Variants in ACO1 observed in about 807,000 individuals in gnomAD.
The protein encoded by ACO1 is aconitase 1, also known as cytoplasmic aconitate hydratase.
Under a neutral mutation model 105.1 loss-of-function variants are expected in ACO1, and 78 were observed. The ratio of observed to expected loss-of-function variants is 0.74; its 90% confidence interval spans 0.62 to 0.90. The LOEUF is 0.90. Ranked by LOEUF, ACO1 falls within the 40% of genes least tolerant of loss-of-function variation. ACO1 has a pLI of 0.00. For missense variants in ACO1, 965 were observed against 1,111.1 expected, an observed-to-expected ratio of 0.87 and a Z score of 1.87; for synonymous variants, 364 against 397.4, an observed-to-expected ratio of 0.92 and a Z score of 1.00.
chr9:32,389,674 T>C (rs948465043), intron 1 of ACO1, among the ~76,000 whole-genome samples: 3 of 151,914 alleles, frequency 2.0e-5, no homozygotes, highest in African/African-American at 7.2e-5. Context: ...CATTTCTTTT[T>C]TTTTTTTTTT....
Position 32,407,437 on chromosome 9 carries a change from T to C in ACO1, c.266+8T>C, listed in dbSNP as rs376531229. 4 of 1,608,218 alleles carry C rather than the reference T, an allele frequency of 2.5e-6. No individual in the cohort carries two copies. The African/African-American group carries it at 5.3e-5, about 21-fold the overall frequency. ...CATCCTGCAGGACTTTACGTGAGCC[T>C]AATGTCACTTCACTCTCCTTTGCCT... On this transcript the variant is annotated splice_region_variant and intron_variant, in intron 3 of 20. Coordinates refer to ENST00000309951, the MANE Select transcript of ACO1 (RefSeq NM_002197.3).
At chr9:32,402,330 A>G (rs1821515273) in intron 1 of ACO1, among the ~76,000 whole-genome samples, 2 of 152,188 alleles carry the variant, frequency 1.3e-5, no homozygotes, top group South Asian at 2.1e-4. Context: ...GAAAAACACC[A>G]TATATATTTA....
intron 12 of ACO1, among the ~76,000 whole-genome samples, chr9:32,428,211 G>A (rs188123307): frequency 1.0e-3 from 157 of 149,956 alleles, no homozygotes; most frequent in African/African-American, 3.7e-3. Flanking sequence ...TTGAGCCCAG[G>A]AGTTTGAGGT....
At chr9:32,399,550 A>T (rs1821443668) in intron 1 of ACO1, among the ~76,000 whole-genome samples, 1 of 152,228 alleles carries the variant, frequency 6.6e-6, no homozygotes, top group African/African-American at 2.4e-5. Flanking sequence ...AGGAACTGAA[A>T]GCTAGAAATT....
rs766751088 is a variant in ACO1, at chr9:32,450,243, G to A, written c.*132G>A. On this transcript the variant is annotated 3_prime_UTR_variant, in exon 21 of 21. Coordinates refer to ENST00000309951, the MANE Select transcript of ACO1 (RefSeq NM_002197.3). ...TAGATGGAGCAAGTGAGCACTGAGGGTCTGGTGCCAATCCTGTAGGCACAA... is the reference window on the plus strand; with the variant it reads ...TAGATGGAGCAAGTGAGCACTGAGGATCTGGTGCCAATCCTGTAGGCACAA... 4 of 772,112 alleles carry A rather than the reference G, an allele frequency of 5.2e-6. No individual in the cohort carries two copies. The Admixed American group carries it at 7.3e-5, about 14-fold the overall frequency. 47.8% of individuals were successfully genotyped at this position (772,112 alleles called of 1,614,324 possible).
intron 4 of ACO1, among the ~76,000 whole-genome samples, chr9:32,412,225 T>G (rs1486507866): frequency 6.6e-6 from 1 of 152,226 alleles, no homozygotes; most frequent in Non-Finnish European, 1.5e-5. Context: ...TAATAACACT[T>G]GGAACATGAT....
Position 32,454,633 on chromosome 9 carries a change from G to A in ACO1, c.*4522G>A, listed in dbSNP as rs556288022. ...TCTAGAAATGCAATGACCAGCATTT[G>A]GGAGTCAGTCAAAAGATCCACTTCC... On this transcript the variant is annotated 3_prime_UTR_variant, in exon 21 of 21. Transcript: ENST00000309951. 1 of 152,288 alleles carries A rather than the reference G, an allele frequency of 6.6e-6. No homozygotes were observed. Among genetic ancestry groups the A allele is most frequent in the Admixed American group, 6.5e-5 (1 of 15,292 alleles). The allele number at this position is 152,288 out of a possible 1,614,324, so 9.4% of individuals were successfully genotyped here.
intron 4 of ACO1, among the ~76,000 whole-genome samples, chr9:32,414,065 A>G (rs980988135): frequency 2.0e-5 from 3 of 152,270 alleles, no homozygotes; most frequent in Admixed American, 6.5e-5. Context: ...AGGCCCGGGA[A>G]TGGCGTGAAC....
At position 32,407,568 on chromosome 9, in the gene ACO1, C is replaced by T. The variant is rs1278187306; in HGVS notation, c.266+139C>T. The T allele has an allele frequency of 1.2e-5, 10 of 807,074 alleles. No homozygotes were observed. In the South Asian group the frequency reaches 2.2e-4, roughly 17 times the overall value. 50.0% of individuals were successfully genotyped at this position (807,074 alleles called of 1,614,324 possible). ...ACTATATAATATTATATACCCATAT[C>T]CAGACACTTTTGAAAGCTAAGGGTG... On this transcript the variant is annotated intron_variant, in intron 3 of 20. Coordinates refer to ENST00000309951, the MANE Select transcript of ACO1 (RefSeq NM_002197.3).
At chr9:32,389,127 G>A (rs770247776) in intron 1 of ACO1, among the ~76,000 whole-genome samples, 4 of 152,140 alleles carry the variant, frequency 2.6e-5, no homozygotes, top group Non-Finnish European at 2.9e-5. Context: ...TTACAAAATA[G>A]TGTTGTATAG....
At chr9:32,402,668 G>T (rs1821522465) in intron 1 of ACO1, among the ~76,000 whole-genome samples, 2 of 152,114 alleles carry the variant, frequency 1.3e-5, no homozygotes, top group South Asian at 4.1e-4. Context: ...GGCTTAGGAG[G>T]TATGATGCCT....
At chr9:32,385,505 TATA>T in intron 1 of ACO1, among the ~76,000 whole-genome samples, 1 of 152,368 alleles carries the variant, frequency 6.6e-6, no homozygotes, top group African/African-American at 2.4e-5. Context: ...AAATTTGTAC[TATA>T]ATAATTCATT....
At chr9:32,406,565 A>G (rs574588243) in intron 2 of ACO1, among the ~76,000 whole-genome samples, 5 of 152,292 alleles carry the variant, frequency 3.3e-5, no homozygotes, top group South Asian at 2.1e-4. Flanking sequence ...TAAGGCTGCA[A>G]TGAACTGTGA....
Position 32,449,093 on chromosome 9 carries a change from C to T in ACO1, c.2556+12C>T, listed in dbSNP as rs1201819812. 6 of 1,584,550 alleles carry T rather than the reference C, an allele frequency of 3.8e-6. No homozygotes were observed. The African/African-American group carries it at 5.4e-5, about 14-fold the overall frequency. On this transcript the variant is annotated intron_variant, in intron 20 of 20. Coordinates refer to ENST00000309951, the MANE Select transcript of ACO1 (RefSeq NM_002197.3). Reference sequence around the variant, plus strand: ...AAGTCCAGGTCAAGGTAAGCTGGAGCCTCTCTATGCCAGGCCCTGTCGAAA... The same window carrying T: ...AAGTCCAGGTCAAGGTAAGCTGGAGTCTCTCTATGCCAGGCCCTGTCGAAA...
chr9:32,400,037 C>A (rs971087672), intron 1 of ACO1, among the ~76,000 whole-genome samples: 2 of 125,156 alleles, frequency 1.6e-5, no homozygotes, highest in Admixed American at 9.7e-5. Flanking sequence ...ATGGCACGAT[C>A]TTGGTTCACT....
rs77044335 is a variant in ACO1 at position 32,453,201 on chromosome 9, T to C, written c.*3090T>C. On this transcript the variant is annotated 3_prime_UTR_variant, in exon 21 of 21. Coordinates refer to ENST00000309951, the MANE Select transcript of ACO1 (RefSeq NM_002197.3). ...CTGGCATCCGCAGCAAGCTAAGAGT[T>C]AGTTAATATTTTTAATATAGCAAAT... is the stretch of plus-strand genomic sequence containing the variant. 6.6e-6 allele frequency: 1 copy of C among 152,198 alleles called. No homozygotes were observed. The highest frequency in any genetic ancestry group is 1.9e-4 in the East Asian group (1 of 5,164). 9.4% of individuals were successfully genotyped at this position (152,198 alleles called of 1,614,324 possible).
intron 4 of ACO1, among the ~76,000 whole-genome samples, chr9:32,416,623 C>T (rs1406985435): frequency 6.6e-6 from 1 of 152,140 alleles, no homozygotes; most frequent in East Asian, 1.9e-4. Context: ...TTGCCATTGC[C>T]CTTTCACCAG....
intron 2 of ACO1, among the ~76,000 whole-genome samples, chr9:32,406,171 GT>G (rs1354795984): frequency 1.3e-5 from 2 of 152,190 alleles, no homozygotes; most frequent in African/African-American, 4.8e-5. Context: ...GCTGCATAGT[GT>G]TTAGGGTTTT....
rs57615512 is a variant in ACO1, at chr9:32,399,966, G to GTTTTTTTTTTTT, written c.-22-5508_-22-5497dup. Among the ~76,000 whole-genome samples the GTTTTTTTTTTTT allele has an allele frequency of 1.2e-3, 82 of 69,816 alleles. 7 individuals carry two copies. Among genetic ancestry groups the GTTTTTTTTTTTT allele is most frequent in the Non-Finnish European group, 1.4e-3 (58 of 40,372 alleles). 45.8% of individuals were successfully genotyped at this position (69,816 alleles called of 152,430 possible). On this transcript the variant is annotated intron_variant, in intron 1 of 20. Coordinates refer to ENST00000309951, the MANE Select transcript of ACO1 (RefSeq NM_002197.3). ...ATTTCTTTTATTTTTTTCTTTTTCTGTTTTTTTTTTTTTTTTTTTTTTGCG... is the reference window on the plus strand; with the variant it reads ...ATTTCTTTTATTTTTTTCTTTTTCTGTTTTTTTTTTTTTTTTTTTTTTTTTTTTTTTTTTGCG...
Sources: gnomAD v4.1 joint callset for allele counts (sites outside exome capture counted in the v4.1 genomes callset) on GRCh38, gnomAD v4.1.1 for gene constraint, MANE v1.5 for transcripts, NCBI Gene and HGNC (gene_info 2026-07-23, HGNC 2026-07-21) for gene names.